The following HERC1 variants were observed in gnomAD, a reference collection of about 807,000 sequenced individuals.
HERC1 encodes the protein HECT and RLD domain containing E3 ubiquitin protein ligase family member 1, also known as probable E3 ubiquitin-protein ligase HERC1.
In HERC1, 160 loss-of-function variants were observed where a neutral mutation model predicts 554.3. The observed-to-expected ratio is 0.29, with a 90% confidence interval of 0.25 to 0.33. The LOEUF (loss-of-function observed/expected upper bound fraction) is 0.33. Ranked by LOEUF, HERC1 falls within the 10% of genes least tolerant of loss-of-function variation. The pLI, the probability that HERC1 is intolerant of heterozygous loss-of-function variation, is 1.00. For missense variants in HERC1, 4,919 were observed against 5,918.5 expected, an observed-to-expected ratio of 0.83 and a Z score of 5.54; for synonymous variants, 2,175 against 2,131.7, an observed-to-expected ratio of 1.02 and a Z score of -0.56.
chr15:63,686,161 T>C (rs1240574992), intron 34 of HERC1, among the ~76,000 whole-genome samples, 198 bp downstream of exon 34: 2 of 152,180 alleles, frequency 1.3e-5, no homozygotes. Context: ...GAGATAACTT[T>C]AGAATTATAA....
chr15:63,818,381 C>A (rs2077569804), intron 1 of HERC1, among the ~76,000 whole-genome samples: 1 of 152,056 alleles, frequency 6.6e-6, no homozygotes, highest in Non-Finnish European at 1.5e-5. Context: ...TGCCTGCCTA[C>A]TCTGAAATAA....
chr15:63,797,457 C>G (rs1440506999), intron 1 of HERC1, among the ~76,000 whole-genome samples: 1 of 152,190 alleles, frequency 6.6e-6, no homozygotes, highest in Non-Finnish European at 1.5e-5. Flanking sequence ...GGACTCCTGC[C>G]TCAAGACTTA....
intron 24 of HERC1, among the ~76,000 whole-genome samples, chr15:63,711,035 A>G (rs750584056): frequency 2.0e-5 from 3 of 152,170 alleles, no homozygotes; most frequent in Non-Finnish European, 4.4e-5. Context: ...ATGTTTCAAA[A>G]TTATTGCAGG....
intron 1 of HERC1, among the ~76,000 whole-genome samples, chr15:63,798,010 T>C (rs1049944060): frequency 2.6e-5 from 4 of 152,162 alleles, no homozygotes; most frequent in African/African-American, 4.8e-5. Flanking sequence ...AAATGTTGAG[T>C]GGATGTGAAT....
chr15:63,826,227 G>A (rs1052896444), intron 1 of HERC1, among the ~76,000 whole-genome samples: 1 of 152,114 alleles, frequency 6.6e-6, no homozygotes, highest in Non-Finnish European at 1.5e-5. Context: ...CCTAAAAGAT[G>A]GGGATTTCTT....
intron 55 of HERC1, among the ~76,000 whole-genome samples, chr15:63,647,405 T>A (rs1339168355): frequency 6.6e-6 from 1 of 151,888 alleles, no homozygotes; most frequent in East Asian, 2.0e-4. Flanking sequence ...TTGGTTTGAA[T>A]GTAAATTAGT....
At chr15:63,757,605 G>A (rs897194540) in intron 4 of HERC1, among the ~76,000 whole-genome samples, 21 of 151,758 alleles carry the variant, frequency 1.4e-4, no homozygotes, top group Admixed American at 4.6e-4. Flanking sequence ...TGAACATAAC[G>A]GTAAAGTCTG....
chr15:63,800,442 T>C (rs1414121128), intron 1 of HERC1, among the ~76,000 whole-genome samples: 2 of 152,212 alleles, frequency 1.3e-5, no homozygotes, highest in Non-Finnish European at 2.9e-5. Flanking sequence ...AGAGCCTGCC[T>C]TCTCCATTCC....
chr15:63,616,391 C>T (rs142983358), intron 75 of HERC1, 39 bp downstream of exon 75: 12 of 1,591,698 alleles, frequency 7.5e-6, no homozygotes, highest in African/African-American at 2.7e-5. Context: ...GCATATAGGA[C>T]GTCAACACCA....
intron 1 of HERC1, among the ~76,000 whole-genome samples, chr15:63,832,576 C>G (rs1457257941): frequency 6.6e-6 from 1 of 152,124 alleles, no homozygotes; most frequent in Non-Finnish European, 1.5e-5. Context: ...CCACCACTAA[C>G]AGAATTGTAA....
chr15:63,647,677 A>T (rs144095244), intron 55 of HERC1, among the ~76,000 whole-genome samples: 3,112 of 152,350 alleles, frequency 0.02, 97 homozygotes, highest in African/African-American at 0.071. Context: ...CCATAAAAAG[A>T]ATGAAATCAG....
At chr15:63,724,137 G>T (rs1417824159) in intron 18 of HERC1, among the ~76,000 whole-genome samples, 3 of 152,098 alleles carry the variant, frequency 2.0e-5, no homozygotes, top group Non-Finnish European at 4.4e-5. Flanking sequence ...AACAGAAATT[G>T]ATTTTCTTCA....
chr15:63,828,215 G>A (rs1200332313), intron 1 of HERC1, among the ~76,000 whole-genome samples: 2 of 152,092 alleles, frequency 1.3e-5, no homozygotes, highest in African/African-American at 4.8e-5. Flanking sequence ...ATAAAGGAAG[G>A]GACAAACCAG....
chr15:63,616,600 G>A lies in HERC1; in HGVS notation c.13771C>T (p.Arg4591Cys), dbSNP rs748693076. ...TGGAGGTCCAGAGGCTTCTTTGTGC[G>A]AATGGCAACCCCCATTAAAATTCCT... Reference protein sequence around the residue: ...FLGILMGVAIRTKKPLDLHLA... With the variant: ...FLGILMGVAICTKKPLDLHLA... The change falls in exon 75 of 78, where the codon CGC (arginine) becomes TGC (cysteine). Residue 4591 changes from arginine (R) to cysteine (C), a missense_variant. Transcript: ENST00000443617. 3.1e-6 allele frequency: 5 copies of A among 1,613,906 alleles called. No individual in the cohort carries two copies. The highest frequency in any genetic ancestry group is 2.5e-6 in the Non-Finnish European group (3 of 1,179,886).
At chr15:63,774,659 T>C (rs1245981389) in intron 2 of HERC1, 35 bp downstream of exon 2, 1 of 1,480,294 alleles carries the variant, frequency 6.8e-7, no homozygotes. Flanking sequence ...CCAAAAACTA[T>C]TATGAACTTT....
intron 47 of HERC1, 80 bp from the exon 48 acceptor site, chr15:63,658,798 A>G: frequency 8.5e-7 from 1 of 1,169,850 alleles, no homozygotes; most frequent in Non-Finnish European, 1.2e-6. Context: ...TTCCTATTCT[A>G]CAGAGGTTCC....
At chr15:63,633,784 A>T in intron 67 of HERC1, 64 bp downstream of exon 67, 1 of 1,510,050 alleles carries the variant, frequency 6.6e-7, no homozygotes, top group South Asian at 1.2e-5. Flanking sequence ...AACTAATAAT[A>T]ACTACTGACA....
chr15:63,687,509 G>A (rs924606851), intron 33 of HERC1, among the ~76,000 whole-genome samples: 11 of 151,808 alleles, frequency 7.2e-5, no homozygotes, highest in African/African-American at 2.7e-4. Context: ...CTGCACTCCA[G>A]CCTGGGTGAC....
chr15:63,689,911 C>G (rs2153035764), intron 32 of HERC1, among the ~76,000 whole-genome samples: 1 of 152,186 alleles, frequency 6.6e-6, no homozygotes, highest in South Asian at 2.1e-4. Flanking sequence ...TGCCTGTAAT[C>G]CCAGCACTTT....
Sources: gnomAD v4.1 joint callset for allele counts (sites outside exome capture counted in the v4.1 genomes callset) on GRCh38, gnomAD v4.1.1 for gene constraint, MANE v1.5 for transcripts, NCBI Gene and HGNC (gene_info 2026-07-23, HGNC 2026-07-21) for gene names.